Variants in USP54 observed in about 807,000 individuals in gnomAD.
The protein encoded by USP54 is ubiquitin carboxyl-terminal hydrolase 54.
A neutral mutation model predicts 170.5 loss-of-function variants in USP54; 87 were observed. The observed-to-expected ratio is 0.51, with a 90% confidence interval of 0.43 to 0.61. The LOEUF (loss-of-function observed/expected upper bound fraction) is 0.61. Ranked by LOEUF, USP54 falls within the 20% of genes least tolerant of loss-of-function variation. The probability of loss-of-function intolerance (pLI) is 0.00; values close to 1 mark genes in which losing one functional copy is unlikely to be tolerated. For synonymous variants in USP54, 655 were observed against 742.8 expected (o/e 0.88, Z 1.92); for missense variants, 1,786 against 2,047.8 (o/e 0.87, Z 2.47).
intron 4 of USP54, among the ~76,000 whole-genome samples, chr10:73,546,257 T>C (rs1042282457): frequency 1.3e-5 from 2 of 152,242 alleles, no homozygotes; most frequent in Admixed American, 6.5e-5. Context: ...AAATTTGTTG[T>C]ATAATCTGTT....
chr10:73,519,854 G>T lies in USP54; in HGVS notation c.2621C>A (p.Pro874Gln), dbSNP rs74645157. The part of the protein sequence containing the change: ...RMQQQQSPQQ[P>Q]SQPSACLPTQ... ...TGGGAGGCAGGCTGAGGGCTGCGAC[G>T]GCTGCTGTGGTGATTGCTGCTGCTG... Residue 874 changes from proline (P) to glutamine (Q), a missense_variant, in exon 19 of 24, where the codon CCG becomes CAG. By Grantham distance (76) the Pro-to-Gln change is moderately conservative (BLOSUM62 -1). Coordinates refer to ENST00000687698, the MANE Select transcript of USP54 (RefSeq NM_001391956.1). The T allele has an allele frequency of 1.2e-6, 2 of 1,614,114 alleles. No homozygotes were observed. The highest frequency in any genetic ancestry group is 1.7e-6 in the Non-Finnish European group (2 of 1,180,018).
At chr10:73,607,990 G>A (rs1047016127) in intron 1 of USP54, among the ~76,000 whole-genome samples, 5 of 152,106 alleles carry the variant, frequency 3.3e-5, no homozygotes, top group Admixed American at 6.6e-5. Context: ...GGCCGGGCAC[G>A]GTGGCTCATG....
rs139945121 is a variant in USP54 at position 73,585,788 on chromosome 10, T to C, written c.-582+5490A>G. Among the ~76,000 whole-genome samples the C allele has an allele frequency of 2.6e-5, 4 of 152,284 alleles. No individual in the cohort carries two copies. In the East Asian group the frequency reaches 7.7e-4, roughly 29 times the overall value. On this transcript the variant is annotated intron_variant, in intron 1 of 23. Transcript: ENST00000687698. ...CTGTAATCCCAGCATTTTAGGAGGC[T>C]GAGGTGGGCAGATCACGAGGTCAAG...
At chr10:73,623,463 C>A (rs1329783480) in intron 1 of USP54, among the ~76,000 whole-genome samples, 1 of 151,318 alleles carries the variant, frequency 6.6e-6, no homozygotes, top group Non-Finnish European at 1.5e-5. Flanking sequence ...TTGAGACCAG[C>A]CTGGCAACAT....
chr10:73,529,684 A>C lies in USP54; in HGVS notation c.2056T>G (p.Tyr686Asp). 6.2e-7 allele frequency: 1 copy of C among 1,614,212 alleles called. No homozygotes were observed. Among genetic ancestry groups the C allele is most frequent in the Non-Finnish European group, 8.5e-7 (1 of 1,180,028 alleles). ...DAALPESSNV[Y>D]RDPSAKRSAG... is the part of the protein sequence containing the mutation. ...TGTTCAAAGGCCAAACAATACCTGT[A>C]GACATTTGAGCTCTCAGGCAGGGCT... Residue 686 changes from tyrosine (Y) to aspartate (D), a missense_variant, in exon 15 of 24, where the codon TAC (tyrosine) becomes GAC (aspartate). Tyr to Asp is a radical substitution (Grantham distance 160). Coordinates refer to ENST00000687698, the MANE Select transcript of USP54 (RefSeq NM_001391956.1).
chr10:73,520,607 G>T (rs980126242), intron 18 of USP54, among the ~76,000 whole-genome samples: 1 of 152,182 alleles, frequency 6.6e-6, no homozygotes, highest in African/African-American at 2.4e-5. Flanking sequence ...ACTAGCAAAA[G>T]AGCAGACTAA....
At position 73,529,696 on chromosome 10, in the gene USP54, T is replaced by C. The variant is rs1461036546; in HGVS notation, c.2044A>G (p.Ser682Gly). Residue 682 changes from serine (S) to glycine (G), a missense_variant, in exon 15 of 24, where the codon AGC becomes GGC. Transcript: ENST00000687698. ...AAACAATACCTGTAGACATTTGAGC[T>C]CTCAGGCAGGGCTGCATCCAGGCTG... ...PVSLDAALPESSNVYRDPSAK... is the reference protein window; with the variant it reads ...PVSLDAALPEGSNVYRDPSAK... The C allele has an allele frequency of 6.2e-7, 1 of 1,614,110 alleles. No homozygotes were observed. The highest frequency in any genetic ancestry group is 8.5e-7 in the Non-Finnish European group (1 of 1,179,936).
intron 1 of USP54, among the ~76,000 whole-genome samples, chr10:73,585,665 G>C (rs2077395449): frequency 6.6e-6 from 1 of 152,178 alleles, no homozygotes; most frequent in Admixed American, 6.5e-5. Context: ...TCATATCACT[G>C]AATCATGTTC....
At chr10:73,620,599 A>T (rs2081013908) in intron 1 of USP54, among the ~76,000 whole-genome samples, 1 of 148,590 alleles carries the variant, frequency 6.7e-6, no homozygotes, top group African/African-American at 2.6e-5. Flanking sequence ...CTGGGATTAC[A>T]GACATAATCT....
rs190244561 is a variant in USP54, at chr10:73,527,024, C to T, written c.2061-244G>A. ...ACATATTCAAAATCTGTTGAATGTACTAATGAACATATTGGTTTCATATTT... is the reference window on the plus strand; with the variant it reads ...ACATATTCAAAATCTGTTGAATGTATTAATGAACATATTGGTTTCATATTT... On this transcript the variant is annotated intron_variant, in intron 15 of 23. Coordinates refer to ENST00000687698, the MANE Select transcript of USP54 (RefSeq NM_001391956.1). Among the ~76,000 whole-genome samples, 652 of 152,308 alleles carry T rather than the reference C, an allele frequency of 4.3e-3. 3 individuals are homozygous for T. The highest frequency in any genetic ancestry group is 0.014 in the African/African-American group (598 of 41,568).
Position 73,526,587 on chromosome 10 carries a change from G to A in USP54, c.2194+60C>T, listed in dbSNP as rs1203891076. 1.9e-6 allele frequency: 3 copies of A among 1,602,510 alleles called. No homozygotes were observed. The Admixed American group carries it at 5.1e-5, about 27-fold the overall frequency. On this transcript the variant is annotated intron_variant, in intron 16 of 23. Coordinates refer to ENST00000687698, the MANE Select transcript of USP54 (RefSeq NM_001391956.1). ...ATTTCAAATGTGCTCAGGTAAGTCT[G>A]GTCCCCAGACAAAACTGCCGGTCAA...
chr10:73,560,172 T>C (rs982685147), intron 4 of USP54, among the ~76,000 whole-genome samples: 55 of 152,236 alleles, frequency 3.6e-4, no homozygotes, highest in African/African-American at 1.3e-3. Context: ...TATATAAAAT[T>C]ATACCCACAC....
At chr10:73,572,302 T>C (rs1348540729) in intron 3 of USP54, among the ~76,000 whole-genome samples, 1 of 152,156 alleles carries the variant, frequency 6.6e-6, no homozygotes, top group East Asian at 1.9e-4. Context: ...CAAGTAAATC[T>C]AAATGTGGTA....
intron 15 of USP54, chr10:73,528,966 C>T (rs1221752660): frequency 1.3e-5 from 2 of 152,052 alleles, no homozygotes; most frequent in East Asian, 3.9e-4. Flanking sequence ...TACTCATTTA[C>T]CATGAATCTC....
intron 4 of USP54, among the ~76,000 whole-genome samples, chr10:73,569,578 CCT>C (rs2074594139): frequency 6.6e-6 from 1 of 151,636 alleles, no homozygotes; most frequent in Non-Finnish European, 1.5e-5. Flanking sequence ...TCAGTGAGAC[CCT>C]GTCTCTACTA....
At chr10:73,555,829 G>C (rs1404882798) in intron 4 of USP54, among the ~76,000 whole-genome samples, 1 of 152,074 alleles carries the variant, frequency 6.6e-6, no homozygotes, top group African/African-American at 2.4e-5. Context: ...TTCTGGCAAG[G>C]AAAGAATCAT....
At chr10:73,593,994 C>T (rs2078508366), upstream of USP54, among the ~76,000 whole-genome samples, 1 of 152,114 alleles carries the variant, frequency 6.6e-6, no homozygotes, top group African/African-American at 2.4e-5. Flanking sequence ...TTCTGAGATG[C>T]TAATGATAAT....
chr10:73,541,936 A>C (rs1590193556), intron 7 of USP54, 198 bp from the exon 8 acceptor site: 1 of 576,110 alleles, frequency 1.7e-6, no homozygotes, highest in East Asian at 3.0e-5. Flanking sequence ...TAGAATCCCC[A>C]CTCCTCCTCC....
chr10:73,563,675 G>A (rs1421003490), intron 4 of USP54, among the ~76,000 whole-genome samples: 2 of 152,116 alleles, frequency 1.3e-5, no homozygotes, highest in Admixed American at 6.5e-5. Context: ...GACCTCAGGA[G>A]ATCTGCCCGC....
Sources: allele counts gnomAD v4.1 joint callset (sites outside exome capture counted in the v4.1 genomes callset), GRCh38; gene constraint gnomAD v4.1.1; transcripts MANE v1.5; gene names NCBI Gene and HGNC (gene_info 2026-07-23, HGNC 2026-07-21).